KHDRBS2: variants seen among roughly 807,000 people sequenced by gnomAD.
KHDRBS2 encodes KH RNA binding domain containing, signal transduction associated 2.
A neutral mutation model predicts 44.3 loss-of-function variants in KHDRBS2; 26 were observed. That is an observed-to-expected ratio of 0.59 (90% CI 0.43 to 0.81). The LOEUF (loss-of-function observed/expected upper bound fraction) is 0.81. Ranked by LOEUF, KHDRBS2 falls within the 40% of genes least tolerant of loss-of-function variation. The pLI is 0.00. For missense variants in KHDRBS2, 476 were observed against 433.1 expected (o/e 1.10, Z -0.88); for synonymous variants, 194 against 151.1 (o/e 1.28, Z -2.08).
intron 2 of KHDRBS2, among the ~76,000 whole-genome samples, chr6:62,170,568 A>T (rs1182270235): frequency 6.6e-6 from 1 of 152,094 alleles, no homozygotes; most frequent in Non-Finnish European, 1.5e-5. Flanking sequence ...TGGCCAAAAA[A>T]TACAGGACTG....
At chr6:61,852,317 G>C (rs1449583009) in intron 6 of KHDRBS2, among the ~76,000 whole-genome samples, 1 of 151,864 alleles carries the variant, frequency 6.6e-6, no homozygotes, top group Non-Finnish European at 1.5e-5. Flanking sequence ...TGTAATCCCA[G>C]CACATTGGGA....
At chr6:62,092,304 T>C (rs1799641120) in intron 2 of KHDRBS2, among the ~76,000 whole-genome samples, 1 of 152,162 alleles carries the variant, frequency 6.6e-6, no homozygotes, top group Non-Finnish European at 1.5e-5. Context: ...TATCAAATCA[T>C]ATTCTTGAGA....
At chr6:61,586,277 G>T in the KHDRBS2 span, among the ~76,000 whole-genome samples, 3 of 152,136 alleles carry the variant, frequency 2.0e-5, no homozygotes, top group African/African-American at 7.2e-5. Context: ...TGTGTCTCCC[G>T]ATATGTGTAT....
chr6:61,631,851 C>T, the KHDRBS2 span, among the ~76,000 whole-genome samples: 3 of 152,136 alleles, frequency 2.0e-5, no homozygotes, highest in East Asian at 5.8e-4. Context: ...AGTGGCTTTT[C>T]CTTAGGAATG....
intron 3 of KHDRBS2, among the ~76,000 whole-genome samples, chr6:61,989,293 C>G (rs1775668259): frequency 6.6e-6 from 1 of 152,200 alleles, no homozygotes; most frequent in Non-Finnish European, 1.5e-5. Flanking sequence ...GCATCCCTGT[C>G]TCCCAGTTTC....
chr6:61,945,657 C>A (rs1290620365), intron 4 of KHDRBS2, among the ~76,000 whole-genome samples: 1 of 133,896 alleles, frequency 7.5e-6, no homozygotes. Context: ...TCCTTGATTT[C>A]AATTTTTTTC....
chr6:61,854,218 T>C (rs1795847634), intron 6 of KHDRBS2, among the ~76,000 whole-genome samples: 1 of 152,164 alleles, frequency 6.6e-6, no homozygotes, highest in African/African-American at 2.4e-5. Flanking sequence ...ATTTTTTTTC[T>C]GTCTCTTTGT....
chr6:61,993,067 G>A (rs1776441063), intron 3 of KHDRBS2, among the ~76,000 whole-genome samples: 3 of 152,042 alleles, frequency 2.0e-5, no homozygotes, highest in African/African-American at 4.8e-5. Flanking sequence ...CTTGGGCCCC[G>A]AAAAGCCCCT....
At chr6:61,901,465 G>A in intron 4 of KHDRBS2, 94 bp from the exon 5 acceptor site, 6 of 940,552 alleles carry the variant, frequency 6.4e-6, no homozygotes, top group Non-Finnish European at 7.8e-6. Context: ...AACGCAATAG[G>A]AAATAATTTT....
In KHDRBS2 at chr6:61,758,585, A is replaced by AAATTT. The variant is rs1192049421; in HGVS notation, c.811-25822_811-25821insAAATT. ...TGTACTTGGTAGTTTACATAACTTAAAAACATGAAAAGTTAGACTCTGTCC... is the reference window on the plus strand; with the variant it reads ...TGTACTTGGTAGTTTACATAACTTAAAATTTAAACATGAAAAGTTAGACTCTGTCC... On this transcript the variant is annotated intron_variant, in intron 6 of 8. Transcript: ENST00000281156. 2.6e-5 allele frequency among the ~76,000 whole-genome samples: 4 copies of AAATTT among 152,082 alleles called. No individual in the cohort carries two copies. The East Asian group carries it at 7.7e-4, about 29-fold the overall frequency.
At chr6:61,738,121 C>T (rs1168703210) in intron 6 of KHDRBS2, among the ~76,000 whole-genome samples, 1 of 151,990 alleles carries the variant, frequency 6.6e-6, no homozygotes, top group East Asian at 1.9e-4. Context: ...ACTTTCTTAT[C>T]ATGTCCTGGC....
At chr6:61,745,171 A>T (rs1040977698) in intron 6 of KHDRBS2, among the ~76,000 whole-genome samples, 1 of 152,170 alleles carries the variant, frequency 6.6e-6, no homozygotes, top group Non-Finnish European at 1.5e-5. Flanking sequence ...GGTGGGGACA[A>T]AAGAAAATTT....
At chr6:61,933,513 C>A (rs1289868063) in intron 4 of KHDRBS2, among the ~76,000 whole-genome samples, 1 of 152,138 alleles carries the variant, frequency 6.6e-6, no homozygotes, top group African/African-American at 2.4e-5. Context: ...ATTCTGAGAA[C>A]TATGCCATTA....
rs1842460262 is a variant in KHDRBS2 at position 62,286,089 on chromosome 6, T to A, written c.-141A>T. The stretch of plus-strand genomic sequence containing the variant: ...ATCTCTGTGCGTCCTCACTGGCCCA[T>A]GCACCCAGCACCTGCGACTCCCGCC... On this transcript the variant is annotated 5_prime_UTR_variant, in exon 1 of 9. It removes an upstream start codon present in the reference 5' UTR. Coordinates refer to ENST00000281156, the MANE Select transcript of KHDRBS2 (RefSeq NM_152688.4). 10 of 629,414 alleles carry A rather than the reference T, an allele frequency of 1.6e-5. No individual in the cohort carries two copies. In the Admixed American group the frequency reaches 2.8e-4, roughly 17 times the overall value. 39.0% of individuals were successfully genotyped at this position (629,414 alleles called of 1,614,324 possible). A position where few individuals can be genotyped will look rare whatever the true frequency, so the allele number is the denominator to read the frequency against.
intron 6 of KHDRBS2, among the ~76,000 whole-genome samples, chr6:61,842,745 T>G (rs1316612247): frequency 6.6e-6 from 1 of 152,128 alleles, no homozygotes; most frequent in Non-Finnish European, 1.5e-5. Context: ...TAACAACACA[T>G]GTCCACACAA....
At chr6:61,769,625 C>CT (rs1554198225) in intron 6 of KHDRBS2, among the ~76,000 whole-genome samples, 1 of 126,134 alleles carries the variant, frequency 7.9e-6, no homozygotes, top group Non-Finnish European at 1.6e-5. Flanking sequence ...GGCAGCGAGG[C>CT]TGGGGGGGCG....
At chr6:61,998,586 C>T (rs557287397) in intron 3 of KHDRBS2, among the ~76,000 whole-genome samples, 33 of 151,942 alleles carry the variant, frequency 2.2e-4, no homozygotes, top group Non-Finnish European at 4.3e-4. Context: ...CACTTTAAAC[C>T]AAAATACGTA....
chr6:61,819,151 GA>G (rs1273923362), intron 6 of KHDRBS2, among the ~76,000 whole-genome samples: 1 of 151,560 alleles, frequency 6.6e-6, no homozygotes, highest in Non-Finnish European at 1.5e-5. Context: ...TAGCCCTTTT[GA>G]AAGGCAGGAG....
At chr6:61,816,540 A>G in intron 6 of KHDRBS2, 2 of 409,500 alleles carry the variant, frequency 4.9e-6, no homozygotes, top group Non-Finnish European at 9.9e-6. Context: ...AAGGAGCACG[A>G]CCCTGCTGAC....
Sources: allele counts gnomAD v4.1 joint callset (sites outside exome capture counted in the v4.1 genomes callset), GRCh38; gene constraint gnomAD v4.1.1; transcripts MANE v1.5; gene names NCBI Gene and HGNC (gene_info 2026-07-23, HGNC 2026-07-21).